PRKCA: variants seen among roughly 807,000 people sequenced by gnomAD.
PRKCA encodes the protein protein kinase C alpha type.
PRKCA carries 27 observed loss-of-function variants against 87.0 expected under a neutral mutation model. That is an observed-to-expected ratio of 0.31 (90% confidence interval 0.23 to 0.43). The LOEUF (loss-of-function observed/expected upper bound fraction) is 0.43, where lower values mean the gene tolerates loss of function less well. PRKCA is among the 20% of genes least tolerant of loss of function. The pLI is 1.00. For missense variants in PRKCA, 518 were observed against 852.3 expected (o/e 0.61, Z 4.88); for synonymous variants, 329 against 311.1 (o/e 1.06, Z -0.61).
intron 13 of PRKCA, among the ~76,000 whole-genome samples, chr17:66,764,021 A>T (rs1324231955): frequency 6.6e-6 from 1 of 152,192 alleles, no homozygotes; most frequent in Non-Finnish European, 1.5e-5. Flanking sequence ...CAAGGCCTTC[A>T]GTATAGAAAA....
intron 3 of PRKCA, among the ~76,000 whole-genome samples, chr17:66,512,464 G>C (rs1270792718): frequency 2.0e-5 from 1 of 50,418 alleles, no homozygotes; most frequent in Non-Finnish European, 4.9e-5. Flanking sequence ...AAAAGTGTGT[G>C]TGTGTGTGTG....
intron 2 of PRKCA, among the ~76,000 whole-genome samples, chr17:66,346,502 C>T (rs1907380907): frequency 6.6e-6 from 1 of 151,950 alleles, no homozygotes; most frequent in South Asian, 2.1e-4. Context: ...GCTTCAGCCT[C>T]CCAAGTGGTT....
intron 5 of PRKCA, among the ~76,000 whole-genome samples, chr17:66,668,185 A>G (rs1054125815): frequency 2.0e-5 from 3 of 152,318 alleles, no homozygotes; most frequent in South Asian, 2.1e-4. Context: ...CTCCTTTGCT[A>G]TGGAGTTTCT....
intron 3 of PRKCA, among the ~76,000 whole-genome samples, chr17:66,568,914 T>C (rs1445551211): frequency 3.3e-5 from 5 of 152,158 alleles, no homozygotes; most frequent in Non-Finnish European, 7.3e-5. Context: ...GGGTCATCTT[T>C]TTAGTCTTAA....
At chr17:66,703,692 G>A (rs1173613472) in intron 8 of PRKCA, 2 of 152,266 alleles carry the variant, frequency 1.3e-5, no homozygotes, top group East Asian at 3.9e-4. Flanking sequence ...CTACTTGGGA[G>A]GCTGAGGCAG....
chr17:66,334,017 G>A (rs955473162), intron 2 of PRKCA, among the ~76,000 whole-genome samples: 12 of 152,128 alleles, frequency 7.9e-5, no homozygotes, highest in South Asian at 2.1e-4. Context: ...TTGGGAGGCC[G>A]AGGTGGGTGG....
At chr17:66,438,788 G>A (rs2143862399) in intron 2 of PRKCA, among the ~76,000 whole-genome samples, 1 of 152,254 alleles carries the variant, frequency 6.6e-6, no homozygotes, top group African/African-American at 2.4e-5. Context: ...AGTGAAGGGG[G>A]AAGCCCCTTA....
Position 66,710,585 on chromosome 17 carries a change from C to T in PRKCA, c.918+21538C>T, listed in dbSNP as rs527467776. ...GCTCTCCACCCTTAAGGATGCACCG[C>T]GTGTTCTGGTAGCTTGAATCTCACA... On this transcript the variant is annotated intron_variant, in intron 8 of 16. Transcript: ENST00000413366. Among the ~76,000 whole-genome samples the T allele has an allele frequency of 3.3e-5, 5 of 152,186 alleles. No homozygotes were observed. The South Asian group carries it at 1.0e-3, about 32-fold the overall frequency.
chr17:66,511,663 T>G (rs1917236133), intron 3 of PRKCA, among the ~76,000 whole-genome samples: 1 of 151,678 alleles, frequency 6.6e-6, no homozygotes. Context: ...TCAAATCAGG[T>G]CATTCTCTCA....
Position 66,463,088 on chromosome 17 carries a change from TC to T in PRKCA, c.206-33111del, listed in dbSNP as rs200372374. 6.1e-3 allele frequency among the ~76,000 whole-genome samples: 933 copies of T among 152,310 alleles called. 9 individuals carry two copies. Among genetic ancestry groups the T allele is most frequent in the Non-Finnish European group, 9.4e-3 (642 of 68,028 alleles). ...CAGTGCTGGGTGGAGTTGTTTACTC[TC>T]CTGTGGCAGCCTTAGGGCTCTTGAG... On this transcript the variant is annotated intron_variant, in intron 2 of 16. Coordinates refer to ENST00000413366, the MANE Select transcript of PRKCA (RefSeq NM_002737.3).
At chr17:66,403,757 T>C (rs1464633233) in intron 2 of PRKCA, 2 of 152,186 alleles carry the variant, frequency 1.3e-5, no homozygotes, top group Admixed American at 1.3e-4. Flanking sequence ...GTTCAAGTAA[T>C]AGAGCTTTGA....
rs112528534 is a variant in PRKCA at position 66,765,422 on chromosome 17, A to C, written c.1525-8565A>C. Among the ~76,000 whole-genome samples the C allele has an allele frequency of 2.7e-3, 274 of 102,522 alleles. 8 individuals carry two copies. Among genetic ancestry groups the C allele is most frequent in the African/African-American group, 3.4e-3 (83 of 24,166 alleles). The allele number at this position is 102,522 out of a possible 152,430, so 67.3% of individuals were successfully genotyped here. A position where few individuals can be genotyped will look rare whatever the true frequency, so the allele number is the denominator to read the frequency against. On this transcript the variant is annotated intron_variant, in intron 13 of 16. Coordinates refer to ENST00000413366, the MANE Select transcript of PRKCA (RefSeq NM_002737.3). The stretch of plus-strand genomic sequence containing the variant: ...GTCGACAGAGCAAGACTTTGTCTAT[A>C]TATATATATATATATATATATATAT...
intron 13 of PRKCA, among the ~76,000 whole-genome samples, chr17:66,764,065 C>G (rs759227366): frequency 1.7e-4 from 26 of 152,158 alleles, no homozygotes; most frequent in Non-Finnish European, 3.2e-4. Flanking sequence ...AGCCGATGAC[C>G]AGGGTTCTAA....
chr17:66,494,759 G>A lies in PRKCA; in HGVS notation c.206-1442G>A, dbSNP rs972649056. 2.0e-5 allele frequency among the ~76,000 whole-genome samples: 3 copies of A among 152,284 alleles called. 1 individual carries two copies. The South Asian group carries it at 6.2e-4, about 32-fold the overall frequency. On this transcript the variant is annotated intron_variant, in intron 2 of 16. Transcript: ENST00000413366. ...GCTAGACTTCAAGCTTTCAAGGAGAGACTAGGTCATTTATTTTTTGCGTCC... is the reference window on the plus strand; with the variant it reads ...GCTAGACTTCAAGCTTTCAAGGAGAAACTAGGTCATTTATTTTTTGCGTCC...
At chr17:66,447,632 G>A (rs948024121) in intron 2 of PRKCA, among the ~76,000 whole-genome samples, 1 of 152,220 alleles carries the variant, frequency 6.6e-6, no homozygotes, top group Non-Finnish European at 1.5e-5. Flanking sequence ...GGACTGTGCT[G>A]CTGAATGTGG....
At chr17:66,605,224 C>T (rs1459038343) in intron 3 of PRKCA, among the ~76,000 whole-genome samples, 1 of 152,182 alleles carries the variant, frequency 6.6e-6, no homozygotes, top group Admixed American at 6.5e-5. Context: ...GTGAGAAAGG[C>T]ATTAGCACCA....
chr17:66,566,396 A>G (rs1161168162), intron 3 of PRKCA, among the ~76,000 whole-genome samples: 4 of 151,482 alleles, frequency 2.6e-5, no homozygotes, highest in African/African-American at 9.7e-5. Flanking sequence ...CAGAGAATAT[A>G]CTTTTAGATG....
chr17:66,503,120 GGA>G (rs1158582173), intron 3 of PRKCA, among the ~76,000 whole-genome samples: 16 of 152,324 alleles, frequency 1.1e-4, no homozygotes, highest in African/African-American at 3.8e-4. Context: ...GGGTGGTGGG[GGA>G]GAGAGTGGGA....
At chr17:66,732,889 C>A in intron 9 of PRKCA, 64 bp downstream of exon 9, 20 of 1,568,962 alleles carry the variant, frequency 1.3e-5, no homozygotes, top group Non-Finnish European at 1.7e-5. Context: ...CAGTTTTGTT[C>A]TCCTCGTAGT....
Sources: allele counts gnomAD v4.1 joint callset (sites outside exome capture counted in the v4.1 genomes callset), GRCh38; gene constraint gnomAD v4.1.1; transcripts MANE v1.5; gene names NCBI Gene and HGNC (gene_info 2026-07-23, HGNC 2026-07-21).